The following IBTK variants were observed in gnomAD, a reference collection of about 807,000 sequenced individuals.
The protein encoded by IBTK is BTK-binding protein.
In IBTK, 83 loss-of-function variants were observed where a neutral mutation model predicts 154.9. The observed-to-expected ratio is 0.54, with a 90% CI of 0.45 to 0.64. IBTK has a LOEUF of 0.64. Ranked by LOEUF, IBTK falls within the 30% of genes least tolerant of loss-of-function variation. The pLI, the probability that IBTK is intolerant of heterozygous loss-of-function variation, is 0.00. For synonymous variants in IBTK, 515 were observed against 536.1 expected (o/e 0.96, Z 0.54); for missense variants, 1,332 against 1,584.6 (o/e 0.84, Z 2.71).
chr6:82,230,904 A>G (rs1172513642), intron 4 of IBTK, among the ~76,000 whole-genome samples: 1 of 152,156 alleles, frequency 6.6e-6, no homozygotes, highest in African/African-American at 2.4e-5. Flanking sequence ...AAATTTTACA[A>G]TTACTTACAT....
chr6:82,194,416 A>G, intron 23 of IBTK, 63 bp downstream of exon 23: 1 of 1,072,026 alleles, frequency 9.3e-7, no homozygotes, highest in Non-Finnish European at 1.3e-6. Flanking sequence ...AAAAAATTAA[A>G]TTGCATTAAA....
In IBTK at chr6:82,216,109, T is replaced by C. The variant is rs1769862292; in HGVS notation, c.1568A>G (p.Asn523Ser). ...VSVSTDPSGCNFAILQSDPKT... is the reference protein window; with the variant it reads ...VSVSTDPSGCSFAILQSDPKT... ...AGGATCTGACTGCAGGATTGCAAAGTTGCATCCACTTGGATCTGTGCTGAC... is the reference window on the plus strand; with the variant it reads ...AGGATCTGACTGCAGGATTGCAAAGCTGCATCCACTTGGATCTGTGCTGAC... Residue 523 changes from asparagine to serine, a missense_variant, in exon 11 of 29, where the codon AAC becomes AGC. Around this residue, in one of 3 missense-constraint regions of IBTK, gnomAD observed 1,134 missense variants for 1,274.7 expected, o/e 0.89. Transcript: ENST00000306270. 5 of 1,610,546 alleles carry C rather than the reference T, an allele frequency of 3.1e-6. No individual in the cohort carries two copies. The highest frequency in any genetic ancestry group is 4.2e-6 in the Non-Finnish European group (5 of 1,179,246).
intron 23 of IBTK, among the ~76,000 whole-genome samples, chr6:82,192,297 T>G (rs913797308): frequency 2.6e-5 from 4 of 152,216 alleles, no homozygotes; most frequent in African/African-American, 9.6e-5. Flanking sequence ...GAAAATTACA[T>G]TCTTTCCTTT....
At chr6:82,191,916 T>C in intron 23 of IBTK, 37 bp from the exon 24 acceptor site, 11 of 1,291,718 alleles carry the variant, frequency 8.5e-6, no homozygotes, top group Middle Eastern at 1.9e-4. Flanking sequence ...AAAGCATTCA[T>C]TTACCTATAA....
chr6:82,186,405 C>A (rs1209107343), intron 25 of IBTK, among the ~76,000 whole-genome samples: 1 of 152,166 alleles, frequency 6.6e-6, no homozygotes, highest in African/African-American at 2.4e-5. Flanking sequence ...AAAGATGATT[C>A]ACTGAAGGTT....
chr6:82,197,976 T>C (rs1769062720), intron 21 of IBTK, among the ~76,000 whole-genome samples: 1 of 152,214 alleles, frequency 6.6e-6, no homozygotes, highest in South Asian at 2.1e-4. Flanking sequence ...TGACTACAGA[T>C]ATCCTGGCCA....
At chr6:82,240,058 G>T in intron 2 of IBTK, 108 bp downstream of exon 2, 1 of 852,072 alleles carries the variant, frequency 1.2e-6, no homozygotes, top group Non-Finnish European at 1.8e-6. Context: ...TAGCAAACAA[G>T]CAAGAAAAAA....
intron 8 of IBTK, among the ~76,000 whole-genome samples, chr6:82,221,761 C>A (rs1452178058): frequency 1.3e-5 from 2 of 152,266 alleles, no homozygotes; most frequent in East Asian, 3.9e-4. Context: ...TACAACTCAA[C>A]ATCTTACATA....
intron 26 of IBTK, among the ~76,000 whole-genome samples, chr6:82,177,730 A>G (rs771261825): frequency 6.6e-6 from 1 of 152,030 alleles, no homozygotes; most frequent in Admixed American, 6.6e-5. Context: ...TTGTATTTTT[A>G]GTAGAGACAA....
At chr6:82,225,675 C>T in intron 5 of IBTK, 28 bp from the exon 6 acceptor site, 1 of 1,520,692 alleles carries the variant, frequency 6.6e-7, no homozygotes, top group South Asian at 1.2e-5. Flanking sequence ...CTTTAGTATA[C>T]TACATTAACC....
In IBTK at chr6:82,216,239, T is replaced by C. The variant is rs201859537; in HGVS notation, c.1438A>G (p.Asn480Asp). 6.3e-7 allele frequency: 1 copy of C among 1,579,374 alleles called. No individual in the cohort carries two copies. The highest frequency in any genetic ancestry group is 1.4e-5 in the African/African-American group (1 of 72,984). The change falls in exon 11 of 29, where the codon AAC becomes GAC. Residue 480 changes from asparagine (N) to aspartate (D), a missense_variant. By Grantham distance (23) the Asn-to-Asp change is conservative. Transcript: ENST00000306270. Reference sequence around the variant, plus strand: ...ACATCTGATGAGGAATTGTGAAGGTTTGATAAAATCTCTGTTAAAAAAAAA... The same window carrying C: ...ACATCTGATGAGGAATTGTGAAGGTCTGATAAAATCTCTGTTAAAAAAAAA... Reference protein sequence around the residue: ...KSSEKKEILSNLHNSSSDVSY... With the variant: ...KSSEKKEILSDLHNSSSDVSY...
intron 24 of IBTK, chr6:82,191,503 C>A (rs1362018632): frequency 1.8e-6 from 1 of 567,100 alleles, no homozygotes; most frequent in Admixed American, 3.1e-5. Context: ...GCATCACAAG[C>A]CTTAACTCTT....
intron 2 of IBTK, among the ~76,000 whole-genome samples, chr6:82,239,550 T>C (rs987572918): frequency 2.0e-5 from 3 of 151,336 alleles, no homozygotes; most frequent in Non-Finnish European, 4.4e-5. Context: ...GAGATGCCAT[T>C]AGACTGGGGC....
intron 13 of IBTK, among the ~76,000 whole-genome samples, chr6:82,211,992 A>C (rs960365621): frequency 6.6e-6 from 1 of 152,130 alleles, no homozygotes; most frequent in Non-Finnish European, 1.5e-5. Context: ...AATAGCTAAA[A>C]ACAAAACTTT....
chr6:82,207,475 T>C (rs1363647765), intron 16 of IBTK, among the ~76,000 whole-genome samples: 1 of 152,178 alleles, frequency 6.6e-6, no homozygotes, highest in African/African-American at 2.4e-5. Flanking sequence ...TGTTAATGGA[T>C]TATAAGATTT....
chr6:82,227,312 AACAAGAGAATATTATTAAACTTCTCTG>A lies in IBTK; in HGVS notation c.544-37_544-11del, dbSNP rs747080104. ...ATTTACAAAGCACCACCTAAGGGAAAACAAGAGAATATTATTAAACTTCTCTGAATAAAATATCCTTTATTTTATGAA... is the reference window on the plus strand; with the variant it reads ...ATTTACAAAGCACCACCTAAGGGAAAAATAAAATATCCTTTATTTTATGAA... On this transcript the variant is annotated splice_polypyrimidine_tract_variant and intron_variant, in intron 4 of 28. Coordinates refer to ENST00000306270, the MANE Select transcript of IBTK (RefSeq NM_015525.4). 6.7e-7 allele frequency: 1 copy of A among 1,493,328 alleles called. No homozygotes were observed. The highest frequency in any genetic ancestry group is 9.2e-7 in the Non-Finnish European group (1 of 1,088,856). The allele number at this position is 1,493,328 out of a possible 1,614,324, so 92.5% of individuals were successfully genotyped here.
At chr6:82,182,476 G>A (rs1392802223) in intron 25 of IBTK, among the ~76,000 whole-genome samples, 2 of 151,952 alleles carry the variant, frequency 1.3e-5, no homozygotes, top group Admixed American at 6.6e-5. Context: ...AAACAAAAAA[G>A]AGAAGTTGAA....
At chr6:82,187,333 A>T (rs1768591531) in intron 25 of IBTK, among the ~76,000 whole-genome samples, 2 of 152,170 alleles carry the variant, frequency 1.3e-5, no homozygotes, top group Non-Finnish European at 2.9e-5. Context: ...GACTCTTAAA[A>T]TTTGGATAGA....
At position 82,200,227 on chromosome 6, in the gene IBTK, G is replaced by T; in HGVS notation, c.2939C>A (p.Thr980Lys). 1 of 1,613,328 alleles carries T rather than the reference G, an allele frequency of 6.2e-7. No homozygotes were observed. The highest frequency in any genetic ancestry group is 8.5e-7 in the Non-Finnish European group (1 of 1,179,550). The change falls in exon 21 of 29, where the codon ACA becomes AAA. Residue 980 changes from threonine to lysine, a missense_variant. By Grantham distance (78) the Thr-to-Lys change is moderately conservative. Around this residue, in one of 3 missense-constraint regions of IBTK, gnomAD observed 1,134 missense variants for 1,274.7 expected, o/e 0.89. Transcript: ENST00000306270. ...HSETMFKKAK[T>K]KAKKKPRKRS... ...TTTACGTGGCTTCTTTTTAGCTTTT[G>T]TTTTTGCTTTCTTGAACATAGTTTC...
Sources: gnomAD v4.1 joint callset for allele counts (sites outside exome capture counted in the v4.1 genomes callset) on GRCh38, gnomAD v4.1.1 for gene constraint, gnomAD v4.1.1 regional missense constraint, MANE v1.5 for transcripts, NCBI Gene and HGNC (gene_info 2026-07-23, HGNC 2026-07-21) for gene names.